Variants in PHOSPHO2 observed in about 807,000 individuals in gnomAD.
PHOSPHO2 encodes the protein phosphatase, orphan 2.
In PHOSPHO2, 14 loss-of-function variants were observed where a neutral mutation model predicts 16.4. The observed-to-expected ratio is 0.85, with a 90% CI of 0.56 to 1.33. The LOEUF is 1.33. PHOSPHO2 is among the 40% of genes most tolerant of loss of function. PHOSPHO2 has a pLI of 0.00. For missense variants in PHOSPHO2, 246 were observed against 282.5 expected, an observed-to-expected ratio of 0.87 and a Z score of 0.93; for synonymous variants, 85 against 90.5, an observed-to-expected ratio of 0.94 and a Z score of 0.34.
At chr2:169,695,131 C>T (rs1209642176) in intron 1 of PHOSPHO2, 84 bp from the exon 2 acceptor site, 1 of 152,166 alleles carries the variant, frequency 6.6e-6, no homozygotes, top group African/African-American at 2.4e-5. Context: ...CATAATGCAC[C>T]AAATTGGAGT....
chr2:169,695,308 G>A (rs925703303), intron 2 of PHOSPHO2, 61 bp downstream of exon 2: 15 of 152,310 alleles, frequency 9.8e-5, no homozygotes, highest in African/African-American at 3.4e-4. Flanking sequence ...CACATACAGC[G>A]CTGGTAGGTT....
chr2:169,698,804 A>G (rs945054332), intron 3 of PHOSPHO2, among the ~76,000 whole-genome samples: 7 of 152,152 alleles, frequency 4.6e-5, no homozygotes, highest in Non-Finnish European at 7.4e-5. Flanking sequence ...GTGTATTCAA[A>G]TTATTTGGCA....
chr2:169,696,845 T>G (rs1247672333), intron 2 of PHOSPHO2, among the ~76,000 whole-genome samples: 1 of 152,204 alleles, frequency 6.6e-6, no homozygotes, highest in Non-Finnish European at 1.5e-5. Flanking sequence ...TCTGAAAATC[T>G]CAATCAGCTT....
chr2:169,701,350 G>T lies in PHOSPHO2; in HGVS notation c.379G>T (p.Ala127Ser), dbSNP rs766458722. Residue 127 changes from alanine to serine, a missense_variant, in exon 4 of 4, where the codon GCT (alanine) becomes TCT (serine). Coordinates refer to ENST00000359744, the MANE Select transcript of PHOSPHO2 (RefSeq NM_001008489.4). ...TGATAAAGTGTTTACAAATCCAGCA[G>T]CTTTTAATAGCAATGGTCATCTCAC... The part of the protein sequence containing the change: ...IFDKVFTNPA[A>S]FNSNGHLTVE... 2 of 1,613,388 alleles carry T rather than the reference G, an allele frequency of 1.2e-6. No homozygotes were observed. Among genetic ancestry groups the T allele is most frequent in the South Asian group, 2.2e-5 (2 of 90,900 alleles).
chr2:169,694,550 G>A lies in PHOSPHO2; in HGVS notation c.-303G>A. 1.6e-6 allele frequency: 1 copy of A among 606,214 alleles called. No homozygotes were observed. Among genetic ancestry groups the A allele is most frequent in the South Asian group, 1.9e-5 (1 of 52,430 alleles). The allele number at this position is 606,214 out of a possible 1,614,324, so 37.6% of individuals were successfully genotyped here. ...GAGTGGGGCTGCCGAGAGGGCAGGC[G>A]TGGGGCGAGGCCAAAGGACTGAACC... On this transcript the variant is annotated 5_prime_UTR_variant, in exon 1 of 4. It adds an upstream start codon to the 5' untranslated region. Coordinates refer to ENST00000359744, the MANE Select transcript of PHOSPHO2 (RefSeq NM_001008489.4).
Position 169,701,368 on chromosome 2 carries a change from C to G in PHOSPHO2, c.397C>G (p.His133Asp), listed in dbSNP as rs759586026. 2.5e-6 allele frequency: 4 copies of G among 1,613,562 alleles called. No individual in the cohort carries two copies. In the Admixed American group the frequency reaches 6.7e-5, roughly 27 times the overall value. The change falls in exon 4 of 4, where the codon CAT becomes GAT. Residue 133 changes from histidine to aspartate, a missense_variant. Coordinates refer to ENST00000359744, the MANE Select transcript of PHOSPHO2 (RefSeq NM_001008489.4). ...TCCAGCAGCTTTTAATAGCAATGGT[C>G]ATCTCACTGTTGAAAATTATCATAC... ...TNPAAFNSNGHLTVENYHTHS... is the reference protein window; with the variant it reads ...TNPAAFNSNGDLTVENYHTHS...
intron 3 of PHOSPHO2, among the ~76,000 whole-genome samples, chr2:169,699,608 C>T (rs1166452028): frequency 1.3e-5 from 2 of 152,164 alleles, no homozygotes; most frequent in African/African-American, 4.8e-5. Flanking sequence ...CACTGTCTTC[C>T]ACGATGGTTG....
chr2:169,700,887 T>C lies in PHOSPHO2; in HGVS notation c.-26-59T>C. ...CATTTAGTTATGTTTATTAAATAAG[T>C]ATTTTAGCTAGATATGTAAACAGAG... On this transcript the variant is annotated intron_variant, in intron 3 of 3. Transcript: ENST00000359744. 7 of 1,398,546 alleles carry C rather than the reference T, an allele frequency of 5.0e-6. No homozygotes were observed. The South Asian group carries it at 8.8e-5, about 18-fold the overall frequency. The allele number at this position is 1,398,546 out of a possible 1,614,324, so 86.6% of individuals were successfully genotyped here.
At chr2:169,696,153 C>T (rs769471720) in intron 2 of PHOSPHO2, among the ~76,000 whole-genome samples, 1 of 152,194 alleles carries the variant, frequency 6.6e-6, no homozygotes, top group Non-Finnish European at 1.5e-5. Context: ...TGACTTCAGA[C>T]TCGAGATTCC....
intron 2 of PHOSPHO2, among the ~76,000 whole-genome samples, chr2:169,696,561 T>A (rs1687544147): frequency 6.6e-6 from 1 of 152,246 alleles, no homozygotes; most frequent in African/African-American, 2.4e-5. Context: ...AGTTTTTAAT[T>A]TTCATTATTG....
At chr2:169,699,289 C>T (rs1687662781) in intron 3 of PHOSPHO2, among the ~76,000 whole-genome samples, 1 of 147,564 alleles carries the variant, frequency 6.8e-6, no homozygotes, top group Admixed American at 6.7e-5. Context: ...GTTGTTGTTC[C>T]TGTGTTAGTT....
chr2:169,699,955 A>G (rs1421377412), intron 3 of PHOSPHO2, among the ~76,000 whole-genome samples: 1 of 152,148 alleles, frequency 6.6e-6, no homozygotes, highest in Non-Finnish European at 1.5e-5. Flanking sequence ...TTTTGGACAG[A>G]TTTTATGGGC....
intron 2 of PHOSPHO2, among the ~76,000 whole-genome samples, chr2:169,696,932 G>A (rs1183239222): frequency 6.6e-6 from 1 of 151,996 alleles, no homozygotes; most frequent in African/African-American, 2.4e-5. Context: ...TCGATACCAA[G>A]TGGAAAGCAA....
chr2:169,695,543 A>C (rs992811884), intron 2 of PHOSPHO2, among the ~76,000 whole-genome samples: 2 of 152,122 alleles, frequency 1.3e-5, no homozygotes, highest in Non-Finnish European at 2.9e-5. Flanking sequence ...AGGCTGAGGC[A>C]GGAGAATGGC....
In PHOSPHO2 at chr2:169,701,536, T is replaced by C; in HGVS notation, c.565T>C (p.Phe189Leu). The C allele has an allele frequency of 6.2e-7, 1 of 1,613,436 alleles. No individual in the cohort carries two copies. The highest frequency in any genetic ancestry group is 2.2e-5 in the East Asian group (1 of 44,850). The change falls in exon 4 of 4, where the codon TTT (phenylalanine) becomes CTT (leucine). Residue 189 changes from phenylalanine to leucine, a missense_variant. Physicochemically the swap from Phe to Leu is conservative, Grantham distance 22. Coordinates refer to ENST00000359744, the MANE Select transcript of PHOSPHO2 (RefSeq NM_001008489.4). Reference protein sequence around the residue: ...DGGNDVCPVTFLKNDDVAMPR... With the variant: ...DGGNDVCPVTLLKNDDVAMPR... Reference sequence around the variant, plus strand: ...TGGAAATGATGTCTGTCCAGTCACCTTTTTAAAGAATGATGATGTTGCCAT... The same window carrying C: ...TGGAAATGATGTCTGTCCAGTCACCCTTTTAAAGAATGATGATGTTGCCAT...
rs182482860 is a variant in PHOSPHO2, at chr2:169,696,863, A to G, written c.-197-498A>G. Among the ~76,000 whole-genome samples, 62 of 152,310 alleles carry G rather than the reference A, an allele frequency of 4.1e-4. 1 individual carries two copies. Among genetic ancestry groups the G allele is most frequent in the Admixed American group, 3.5e-3 (53 of 15,298 alleles). ...GAAAATCTCAATCAGCTTAACACTG[A>G]TTTTATCCACTGGACAAAAACTTAT... On this transcript the variant is annotated intron_variant, in intron 2 of 3. Coordinates refer to ENST00000359744, the MANE Select transcript of PHOSPHO2 (RefSeq NM_001008489.4).
At chr2:169,697,088 T>G (rs1687569004) in intron 2 of PHOSPHO2, among the ~76,000 whole-genome samples, 1 of 151,660 alleles carries the variant, frequency 6.6e-6, no homozygotes, top group Admixed American at 6.6e-5. Flanking sequence ...CGATCTCGGC[T>G]CACTGCAAGC....
At chr2:169,697,323 A>AT (rs1307168621) in intron 2 of PHOSPHO2, 38 bp from the exon 3 acceptor site, 1 of 152,156 alleles carries the variant, frequency 6.6e-6, no homozygotes, top group Non-Finnish European at 1.5e-5. Flanking sequence ...CTGAAAATAC[A>AT]AATGTTAAAG....
intron 1 of PHOSPHO2, among the ~76,000 whole-genome samples, chr2:169,695,005 T>C (rs1687461619): frequency 6.6e-6 from 1 of 152,218 alleles, no homozygotes; most frequent in African/African-American, 2.4e-5. Context: ...TCTTGGTAAA[T>C]ACATGACCAC....
Sources: gnomAD v4.1 joint callset for allele counts (sites outside exome capture counted in the v4.1 genomes callset) on GRCh38, gnomAD v4.1.1 for gene constraint, MANE v1.5 for transcripts, NCBI Gene and HGNC (gene_info 2026-07-23, HGNC 2026-07-21) for gene names.